OSBP: variants seen among roughly 807,000 people sequenced by gnomAD.
OSBP encodes oxysterol-binding protein 1.
In OSBP, 32 loss-of-function variants were observed where a neutral mutation model predicts 96.6. That is an observed-to-expected ratio of 0.33 (90% CI 0.25 to 0.45). OSBP has a LOEUF of 0.45. Ranked by LOEUF, OSBP falls within the 20% of genes least tolerant of loss-of-function variation. The probability of loss-of-function intolerance (pLI) is 1.00; values close to 1 mark genes in which losing one functional copy is unlikely to be tolerated. For synonymous variants in OSBP, 369 were observed against 389.6 expected (o/e 0.95, Z 0.62); for missense variants, 653 against 1,029.7 (o/e 0.63, Z 5.01).
intron 3 of OSBP, among the ~76,000 whole-genome samples, chr11:59,605,951 T>C (rs898873333): frequency 6.6e-6 from 1 of 152,172 alleles, no homozygotes; most frequent in Non-Finnish European, 1.5e-5. Context: ...ATGAAGGCAG[T>C]TGGACTCCAG....
At chr11:59,613,792 A>G (rs554977518) in intron 1 of OSBP, among the ~76,000 whole-genome samples, 10 of 152,230 alleles carry the variant, frequency 6.6e-5, no homozygotes, top group Non-Finnish European at 1.5e-4. Context: ...AGTGAGGATG[A>G]GCTATCTAAG....
At chr11:59,582,844 G>A (rs1192176872) in intron 9 of OSBP, among the ~76,000 whole-genome samples, 1 of 152,100 alleles carries the variant, frequency 6.6e-6, no homozygotes, top group Non-Finnish European at 1.5e-5. Context: ...GGGATAACAC[G>A]TCCTGTTGTG....
At chr11:59,592,005 G>A (rs188036232) in intron 9 of OSBP, among the ~76,000 whole-genome samples, 5 of 152,190 alleles carry the variant, frequency 3.3e-5, no homozygotes, top group African/African-American at 9.6e-5. Flanking sequence ...AACCACCCAT[G>A]GAATGAAATA....
chr11:59,603,764 C>T (rs139031751), intron 3 of OSBP, among the ~76,000 whole-genome samples: 121 of 151,904 alleles, frequency 8.0e-4, no homozygotes, highest in African/African-American at 2.5e-3. Context: ...CTTTCAACTC[C>T]CAGGCTCAAG....
At chr11:59,589,270 G>C (rs1380162703) in intron 9 of OSBP, among the ~76,000 whole-genome samples, 1 of 150,040 alleles carries the variant, frequency 6.7e-6, no homozygotes, top group Non-Finnish European at 1.5e-5. Flanking sequence ...TTACAGGCAT[G>C]AGCCACTGCA....
chr11:59,603,529 G>GTT (rs370609645), intron 3 of OSBP, among the ~76,000 whole-genome samples: 1,562 of 86,580 alleles, frequency 0.018, 10 homozygotes, highest in Non-Finnish European at 0.023. Context: ...ATCACCTTCA[G>GTT]TTTTTTTTTT....
At chr11:59,614,107 TA>T (rs1159643477) in intron 1 of OSBP, among the ~76,000 whole-genome samples, 1 of 152,228 alleles carries the variant, frequency 6.6e-6, no homozygotes, top group Non-Finnish European at 1.5e-5. Context: ...ACTTTTTGCA[TA>T]AAATACACAT....
At chr11:59,615,067 G>A (rs1590681835) in intron 1 of OSBP, among the ~76,000 whole-genome samples, 1 of 152,342 alleles carries the variant, frequency 6.6e-6, no homozygotes, top group East Asian at 1.9e-4. Flanking sequence ...GGCCGGGAGC[G>A]AAGGGAAGAT....
At chr11:59,610,900 A>G (rs1304904756) in intron 1 of OSBP, among the ~76,000 whole-genome samples, 2 of 151,040 alleles carry the variant, frequency 1.3e-5, no homozygotes, top group Admixed American at 1.3e-4. Context: ...TTGGGAGGCC[A>G]AGGTGGGCAG....
intron 9 of OSBP, among the ~76,000 whole-genome samples, chr11:59,586,414 A>C: frequency 6.6e-6 from 1 of 152,324 alleles, no homozygotes; most frequent in Non-Finnish European, 1.5e-5. Context: ...AGTTAAGATA[A>C]ATAAATGGAA....
intron 2 of OSBP, among the ~76,000 whole-genome samples, chr11:59,609,708 T>C (rs1227348562): frequency 1.3e-5 from 2 of 152,162 alleles, no homozygotes; most frequent in Non-Finnish European, 2.9e-5. Flanking sequence ...GATTAAACTA[T>C]CAATATATCA....
At chr11:59,609,098 G>A (rs144519205) in intron 2 of OSBP, among the ~76,000 whole-genome samples, 4 of 152,290 alleles carry the variant, frequency 2.6e-5, no homozygotes, top group African/African-American at 9.6e-5. Flanking sequence ...AAGGCTCTTG[G>A]AATTGGGAAT....
rs749342934 is a variant in OSBP, at chr11:59,601,652, C to A, written c.1009G>T (p.Gly337Cys). 1.2e-6 allele frequency: 2 copies of A among 1,612,564 alleles called. No homozygotes were observed. The highest frequency in any genetic ancestry group is 2.2e-5 in the East Asian group (1 of 44,892). Residue 337 changes from glycine (G) to cysteine (C), a missense_variant, in exon 4 of 14, where the codon GGT (glycine) becomes TGT (cysteine). This residue lies in a region of OSBP where 308 missense variants were observed against 573.1 expected (regional missense o/e 0.54). Coordinates refer to ENST00000263847, the MANE Select transcript of OSBP (RefSeq NM_002556.3). ...CTAAGTGTCTTACCTTTACCAGAAC[C>A]CACATTGCCAGGAGTGTTTGCCGGC... ...VLPANTPGNV[G>C]SGKDQCCSGK... is the part of the protein sequence containing the mutation.
At chr11:59,586,711 G>C (rs1314977222) in intron 9 of OSBP, among the ~76,000 whole-genome samples, 7 of 152,210 alleles carry the variant, frequency 4.6e-5, no homozygotes, top group African/African-American at 1.7e-4. Context: ...CAGTGGAATA[G>C]AACAAAGAGC....
At position 59,614,196 on chromosome 11, in the gene OSBP, C is replaced by G. The variant is rs553111975; in HGVS notation, c.362+1107G>C. On this transcript the variant is annotated intron_variant, in intron 1 of 13. Transcript: ENST00000263847. ...ACTGACCGATTCATTTCACACTAAC[C>G]TGAGTTTTAGGTTAGATTAGTGTGA... 1.1e-4 allele frequency among the ~76,000 whole-genome samples: 16 copies of G among 152,312 alleles called. No homozygotes were observed. In the South Asian group the frequency reaches 3.1e-3, roughly 30 times the overall value.
chr11:59,584,995 C>T lies in OSBP; in HGVS notation c.1679-3441G>A, dbSNP rs1423891789. On this transcript the variant is annotated intron_variant, in intron 9 of 13. Transcript: ENST00000263847. ...TGATCTCGGCTCGCTACAACCTCCA[C>T]CTCCCAGCCGCCTGCCTTGGCCTCC... Among the ~76,000 whole-genome samples, 4 of 152,330 alleles carry T rather than the reference C, an allele frequency of 2.6e-5. No homozygotes were observed. In the East Asian group the frequency reaches 7.7e-4, roughly 29 times the overall value.
chr11:59,601,999 A>C (rs1860730742), intron 3 of OSBP, among the ~76,000 whole-genome samples, 161 bp from the exon 4 acceptor site: 1 of 152,208 alleles, frequency 6.6e-6, no homozygotes, highest in African/African-American at 2.4e-5. Flanking sequence ...AGCTAGCTCC[A>C]CGCTGAAATC....
At position 59,578,192 on chromosome 11, in the gene OSBP, C is replaced by T. The variant is rs1210335027; in HGVS notation, c.2017G>A (p.Ala673Thr). The change falls in exon 12 of 14, where the codon GCA becomes ACA. Residue 673 changes from alanine (A) to threonine (T), a missense_variant. This residue lies in a region of OSBP where 169 missense variants were observed against 251.5 expected (regional missense o/e 0.67). Transcript: ENST00000263847. ...CACAGCATGACCCTGCTTTCCTCTG[C>T]TTCATGGCCTCTCTGTCGAGCATCA... is the stretch of plus-strand genomic sequence containing the variant. ...GGDARQRGHE[A>T]EESRVMLWKR... The T allele has an allele frequency of 6.2e-7, 1 of 1,614,082 alleles. No homozygotes were observed. Among genetic ancestry groups the T allele is most frequent in the Non-Finnish European group, 8.5e-7 (1 of 1,180,052 alleles).
chr11:59,593,187 G>C (rs2134662941), intron 9 of OSBP, among the ~76,000 whole-genome samples: 1 of 152,260 alleles, frequency 6.6e-6, no homozygotes, highest in African/African-American at 2.4e-5. Flanking sequence ...GGAGGAAAAG[G>C]GAGGAAGGAG....
Sources: gnomAD v4.1 joint callset for allele counts (sites outside exome capture counted in the v4.1 genomes callset) on GRCh38, gnomAD v4.1.1 for gene constraint, gnomAD v4.1.1 regional missense constraint, MANE v1.5 for transcripts, NCBI Gene and HGNC (gene_info 2026-07-23, HGNC 2026-07-21) for gene names.